Variants in ADGRV1 observed in about 807,000 individuals in gnomAD.
ADGRV1 encodes adhesion G protein-coupled receptor V1, also known as G-protein coupled receptor 98.
In ADGRV1, 359 loss-of-function variants were observed where a neutral mutation model predicts 596.2. That is an observed-to-expected ratio of 0.60 (90% confidence interval 0.55 to 0.66). The LOEUF (loss-of-function observed/expected upper bound fraction) is 0.66. ADGRV1 is among the 30% of genes least tolerant of loss of function. The probability of loss-of-function intolerance (pLI) is 0.00; values close to 1 mark genes in which losing one functional copy is unlikely to be tolerated. For missense variants in ADGRV1, 7,274 were observed against 7,575.6 expected (o/e 0.96, Z 1.48); for synonymous variants, 2,681 against 2,679.2 (o/e 1.00, Z -0.02).
chr5:90,578,372 T>C (rs1043266990), intron 1 of ADGRV1, among the ~76,000 whole-genome samples: 1 of 152,216 alleles, frequency 6.6e-6, no homozygotes, highest in Admixed American at 6.5e-5. Context: ...GAGATAATCA[T>C]GTGGTTTTTG....
intron 1 of ADGRV1, among the ~76,000 whole-genome samples, chr5:90,585,066 G>A (rs542485507): frequency 6.6e-6 from 1 of 152,166 alleles, no homozygotes; most frequent in Non-Finnish European, 1.5e-5. Flanking sequence ...TCCTGATGAT[G>A]ATATATTCAT....
At chr5:91,038,188 A>G (rs1785060540) in intron 85 of ADGRV1, among the ~76,000 whole-genome samples, 1 of 152,224 alleles carries the variant, frequency 6.6e-6, no homozygotes, top group Admixed American at 6.5e-5. Flanking sequence ...GGAAGACCCT[A>G]TTGAATGAAG....
rs1372781352 is a variant in ADGRV1 at position 91,070,601 on chromosome 5, A to G, written c.18153-1846A>G. Among the ~76,000 whole-genome samples the G allele has an allele frequency of 2.6e-5, 4 of 152,218 alleles. No individual in the cohort carries two copies. In the East Asian group the frequency reaches 7.7e-4, roughly 29 times the overall value. On this transcript the variant is annotated intron_variant, in intron 85 of 89. Coordinates refer to ENST00000405460, the MANE Select transcript of ADGRV1 (RefSeq NM_032119.4). ...TTGAGAACCTGTTTAACGTTCCTCC[A>G]TTTGAGATTTTCATGCAAGATTTTA...
Position 90,756,962 on chromosome 5 carries a change from A to G in ADGRV1, c.11758-17A>G, listed in dbSNP as rs547407334. On this transcript the variant is annotated splice_polypyrimidine_tract_variant and intron_variant, in intron 56 of 89. Coordinates refer to ENST00000405460, the MANE Select transcript of ADGRV1 (RefSeq NM_032119.4). ...TACCATTTTATCTTGCCTTTCAATT[A>G]TATTCTTTACTTAAAGGGCGCTGGG... 3 of 1,556,262 alleles carry G rather than the reference A, an allele frequency of 1.9e-6. No homozygotes were observed. The highest frequency in any genetic ancestry group is 1.4e-5 in the African/African-American group (1 of 72,788).
At chr5:91,106,067 G>C (rs1324444865) in intron 87 of ADGRV1, among the ~76,000 whole-genome samples, 1 of 151,720 alleles carries the variant, frequency 6.6e-6, no homozygotes, top group African/African-American at 2.4e-5. Context: ...ATTTCACCTT[G>C]TTTTCTTCCA....
In ADGRV1 at chr5:91,150,141, T is replaced by C; in HGVS notation, c.18544T>C (p.Phe6182Leu). 6.3e-7 allele frequency: 1 copy of C among 1,597,290 alleles called. No homozygotes were observed. Among genetic ancestry groups the C allele is most frequent in the Admixed American group, 1.7e-5 (1 of 57,764 alleles). Reference sequence around the variant, plus strand: ...GCATCCTGGACCCAGCACAGCCTTTTTCACGCCCGGGAGTGGAATGCCTCC... The same window carrying C: ...GCATCCTGGACCCAGCACAGCCTTTCTCACGCCCGGGAGTGGAATGCCTCC... The part of the protein sequence containing the change: ...NGHPGPSTAF[F>L]TPGSGMPPAG... The change falls in exon 88 of 90, where the codon TTC (phenylalanine) becomes CTC (leucine). Residue 6182 changes from phenylalanine (F) to leucine (L), a missense_variant. By Grantham distance (22) the Phe-to-Leu change is conservative (BLOSUM62 0). Around this residue, in one of 5 missense-constraint regions of ADGRV1, gnomAD observed 1,874 missense variants for 1,970.2 expected, o/e 0.95. Transcript: ENST00000405460.
intron 87 of ADGRV1, among the ~76,000 whole-genome samples, chr5:91,117,331 T>C (rs1202108550): frequency 6.6e-6 from 1 of 152,198 alleles, no homozygotes; most frequent in Non-Finnish European, 1.5e-5. Flanking sequence ...ATCCAGACTA[T>C]GTTCATGTAT....
intron 2 of ADGRV1, among the ~76,000 whole-genome samples, chr5:90,616,204 A>G (rs1763345838): frequency 6.6e-6 from 1 of 152,044 alleles, no homozygotes; most frequent in Non-Finnish European, 1.5e-5. Flanking sequence ...ATTTCCCTAT[A>G]CATGATTTTT....
chr5:90,868,493 A>G (rs371986440), intron 83 of ADGRV1, among the ~76,000 whole-genome samples: 19 of 152,198 alleles, frequency 1.2e-4, no homozygotes, highest in African/African-American at 4.3e-4. Flanking sequence ...TTCTCATAGC[A>G]TTTGACAATT....
Position 90,708,798 on chromosome 5 carries a change from T to A in ADGRV1, c.8731-18T>A. 1 of 1,502,192 alleles carries A rather than the reference T, an allele frequency of 6.7e-7. No individual in the cohort carries two copies. Among genetic ancestry groups the A allele is most frequent in the Non-Finnish European group, 9.3e-7 (1 of 1,080,446 alleles). 93.1% of individuals were successfully genotyped at this position (1,502,192 alleles called of 1,614,324 possible). The stretch of plus-strand genomic sequence containing the variant: ...TGAGAGTATAACTAAAGGAATTTAA[T>A]GAGTGTAATTTTTTCAGGATGATGT... On this transcript the variant is annotated intron_variant, in intron 38 of 89. Coordinates refer to ENST00000405460, the MANE Select transcript of ADGRV1 (RefSeq NM_032119.4).
At chr5:90,925,458 T>C in intron 83 of ADGRV1, among the ~76,000 whole-genome samples, 1 of 152,208 alleles carries the variant, frequency 6.6e-6, no homozygotes, top group Non-Finnish European at 1.5e-5. Context: ...ATAAGAGTGC[T>C]TGTGATTTTT....
chr5:90,718,429 G>A (rs1480363464), intron 43 of ADGRV1: 1 of 151,890 alleles, frequency 6.6e-6, no homozygotes, highest in Non-Finnish European at 1.5e-5. Context: ...TCCTATTATT[G>A]TGAAAATAAA....
intron 21 of ADGRV1, among the ~76,000 whole-genome samples, chr5:90,666,337 C>G (rs910539197): frequency 2.0e-5 from 3 of 152,224 alleles, no homozygotes; most frequent in African/African-American, 7.2e-5. Flanking sequence ...GTTAGCTCTT[C>G]TTGTTGAATT....
intron 84 of ADGRV1, among the ~76,000 whole-genome samples, chr5:90,968,775 T>C (rs991014354): frequency 6.6e-6 from 1 of 152,210 alleles, no homozygotes; most frequent in Non-Finnish European, 1.5e-5. Context: ...AGTTCAATCC[T>C]ATTAGTTGAA....
intron 17 of ADGRV1, among the ~76,000 whole-genome samples, chr5:90,651,151 A>G (rs969362449): frequency 6.6e-6 from 1 of 152,346 alleles, no homozygotes; most frequent in South Asian, 2.1e-4. Flanking sequence ...CAGTGATTCC[A>G]ATGAACACAG....
chr5:91,030,769 G>A (rs1784416883), intron 85 of ADGRV1, among the ~76,000 whole-genome samples: 1 of 152,102 alleles, frequency 6.6e-6, no homozygotes, highest in African/African-American at 2.4e-5. Context: ...AACTTCTAAA[G>A]TCTGAAGTCA....
intron 85 of ADGRV1, among the ~76,000 whole-genome samples, chr5:91,068,284 A>G (rs6882081): frequency 0.6 from 89,942 of 151,108 alleles, 27,347 homozygotes; most frequent in South Asian, 0.68. Context: ...GTGAAACCCC[A>G]TCTCTACTTA....
chr5:90,969,854 C>T (rs188803159), intron 84 of ADGRV1, among the ~76,000 whole-genome samples: 112 of 152,280 alleles, frequency 7.4e-4, no homozygotes, highest in African/African-American at 1.1e-3. Flanking sequence ...GTTCATCTCA[C>T]GGGGCCTGAT....
At chr5:90,631,814 A>G (rs933341984) in intron 9 of ADGRV1, among the ~76,000 whole-genome samples, 1 of 152,212 alleles carries the variant, frequency 6.6e-6, no homozygotes, top group Non-Finnish European at 1.5e-5. Context: ...AACAACTAGA[A>G]TGCTGCTACC....
Sources: allele counts gnomAD v4.1 joint callset (sites outside exome capture counted in the v4.1 genomes callset), GRCh38; gene constraint gnomAD v4.1.1; regional missense constraint gnomAD v4.1.1; transcripts MANE v1.5; gene names NCBI Gene and HGNC (gene_info 2026-07-23, HGNC 2026-07-21).